The following SORCS2 variants were observed in gnomAD, a reference collection of about 807,000 sequenced individuals.
SORCS2 encodes the protein sortilin related VPS10 domain containing receptor 2.
In SORCS2, 100 loss-of-function variants were observed where a neutral mutation model predicts 141.6. That is an observed-to-expected ratio of 0.71 (90% CI 0.60 to 0.83). The LOEUF (loss-of-function observed/expected upper bound fraction) is 0.83. Among genes scored for constraint, SORCS2 ranks in the 40% least tolerant of loss-of-function variants. The pLI, the probability that SORCS2 is intolerant of heterozygous loss-of-function variation, is 0.00. For synonymous variants in SORCS2, 789 were observed against 676.9 expected, an observed-to-expected ratio of 1.17 and a Z score of -2.57; for missense variants, 1,646 against 1,560.2, an observed-to-expected ratio of 1.05 and a Z score of -0.93.
intron 1 of SORCS2, among the ~76,000 whole-genome samples, chr4:7,376,958 G>A (rs1476469712): frequency 4.1e-5 from 6 of 146,336 alleles, no homozygotes; most frequent in Admixed American, 6.8e-5. Flanking sequence ...CTGCAGTCAC[G>A]TGCAGCCTGA....
intron 3 of SORCS2, among the ~76,000 whole-genome samples, chr4:7,574,878 C>T (rs951323096): frequency 6.6e-6 from 1 of 152,178 alleles, no homozygotes; most frequent in Non-Finnish European, 1.5e-5. Context: ...GTCTGTTAGC[C>T]CAGCTCCTCT....
At chr4:7,455,320 T>A (rs1458368581) in intron 2 of SORCS2, among the ~76,000 whole-genome samples, 1 of 50,830 alleles carries the variant, frequency 2.0e-5, no homozygotes, top group Non-Finnish European at 3.5e-5. Context: ...GGGGTCAGGC[T>A]CTGTGTTGGG....
intron 1 of SORCS2, chr4:7,382,020 G>A (rs1723020902): frequency 2.0e-6 from 2 of 980,724 alleles, no homozygotes; most frequent in Non-Finnish European, 2.4e-6. Context: ...CACAAGGAAG[G>A]AAGGGAGTCG....
Position 7,192,747 on chromosome 4 carries a change from G to C in SORCS2, c.101G>C (p.Arg34Pro). ...CCGCCGCCGCGCTCGCCGCGCTCGCGGCCGCTCCTGCTGCTGCTGCTGCTG... is the reference window on the plus strand; with the variant it reads ...CCGCCGCCGCGCTCGCCGCGCTCGCCGCCGCTCCTGCTGCTGCTGCTGCTG... Reference protein sequence around the residue: ...APPPPRSPRSRPLLLLLLLLG... With the variant: ...APPPPRSPRSPPLLLLLLLLG... Residue 34 changes from arginine (R) to proline (P), a missense_variant, in exon 1 of 27, where the codon CGG (arginine) becomes CCG (proline). Arg to Pro is a moderately radical substitution (Grantham distance 103). Transcript: ENST00000507866. This position sits in a 1 kb window ranked among gnomAD's most constrained non-coding sequence, Gnocchi z 4.0. 2 of 995,886 alleles carry C rather than the reference G, an allele frequency of 2.0e-6. No individual in the cohort carries two copies. The highest frequency in any genetic ancestry group is 2.4e-6 in the Non-Finnish European group (2 of 838,962). 61.7% of individuals were successfully genotyped at this position (995,886 alleles called of 1,614,324 possible).
At chr4:7,640,191 TGA>T (rs888756883) in intron 4 of SORCS2, among the ~76,000 whole-genome samples, 11 of 13,448 alleles carry the variant, frequency 8.2e-4, no homozygotes, top group African/African-American at 1.5e-3. Context: ...AGAGCCTATG[TGA>T]GTGTGAGTGT....
intron 2 of SORCS2, among the ~76,000 whole-genome samples, chr4:7,509,368 G>C (rs1732470812): frequency 6.6e-6 from 1 of 152,008 alleles, no homozygotes; most frequent in African/African-American, 2.4e-5. Flanking sequence ...TCCCATTGTG[G>C]AGTCCGGTGG....
At chr4:7,208,165 C>T (rs538462255) in intron 1 of SORCS2, among the ~76,000 whole-genome samples, 1 of 152,022 alleles carries the variant, frequency 6.6e-6, no homozygotes, top group African/African-American at 2.4e-5. Flanking sequence ...CCCTCCCTGG[C>T]CTGGCCTCCT....
intron 2 of SORCS2, among the ~76,000 whole-genome samples, chr4:7,483,322 CAAA>C (rs34942012): frequency 1.1e-4 from 8 of 75,774 alleles, no homozygotes; most frequent in Non-Finnish European, 8.0e-5. Flanking sequence ...GACTCCATCT[CAAA>C]AAAAAAAAAA....
At position 7,539,678 on chromosome 4, in the gene SORCS2, C is replaced by CCACCCCCGTTATG. The variant is rs1234528255; in HGVS notation, c.648+8049_648+8050insCACCCCCGTTATG. 7.8e-4 allele frequency among the ~76,000 whole-genome samples: 119 copies of CCACCCCCGTTATG among 152,232 alleles called. 3 individuals are homozygous for CCACCCCCGTTATG. The highest frequency in any genetic ancestry group is 1.2e-4 in the Non-Finnish European group (8 of 68,008). ...AAACTCCTTCCCAGCTGCAAGGCCC[C>CCACCCCCGTTATG]GACCCCCGTTATGGAGGCCCCGCCC... On this transcript the variant is annotated intron_variant, in intron 3 of 26. Coordinates refer to ENST00000507866, the MANE Select transcript of SORCS2 (RefSeq NM_020777.3).
At chr4:7,343,927 A>G (rs1226893708) in intron 1 of SORCS2, among the ~76,000 whole-genome samples, 1 of 152,198 alleles carries the variant, frequency 6.6e-6, no homozygotes, top group Non-Finnish European at 1.5e-5. Context: ...GGGAGGTGGC[A>G]GTGCCGGGGG....
intron 1 of SORCS2, among the ~76,000 whole-genome samples, chr4:7,237,050 G>A (rs116110627): frequency 0.012 from 1,759 of 152,280 alleles, 36 homozygotes; most frequent in African/African-American, 0.04. Context: ...CTGTGCCAGC[G>A]CACATGGTCA....
intron 2 of SORCS2, among the ~76,000 whole-genome samples, chr4:7,418,701 G>GACC (rs1725849712): frequency 8.5e-5 from 5 of 58,878 alleles, no homozygotes; most frequent in African/African-American, 3.4e-4. Flanking sequence ...CGTAACAAAT[G>GACC]ACCCCCCCCC....
At chr4:7,617,272 C>T (rs1718823551) in intron 3 of SORCS2, among the ~76,000 whole-genome samples, 1 of 152,164 alleles carries the variant, frequency 6.6e-6, no homozygotes, top group African/African-American at 2.4e-5. Context: ...CACCCACTCA[C>T]CCCATTATCC....
intron 4 of SORCS2, among the ~76,000 whole-genome samples, chr4:7,649,813 T>A (rs918970794): frequency 2.0e-5 from 3 of 152,128 alleles, no homozygotes; most frequent in African/African-American, 7.2e-5. Flanking sequence ...TGAACAGCAG[T>A]GGTGGCAGCG....
At chr4:7,661,766 GAA>G (rs1722189500) in intron 6 of SORCS2, among the ~76,000 whole-genome samples, 1 of 152,206 alleles carries the variant, frequency 6.6e-6, no homozygotes, top group Non-Finnish European at 1.5e-5. Flanking sequence ...CACTCCAGTG[GAA>G]AAGTCTATTA....
At chr4:7,447,037 C>T (rs1361787465) in intron 2 of SORCS2, among the ~76,000 whole-genome samples, 3 of 152,206 alleles carry the variant, frequency 2.0e-5, no homozygotes, top group African/African-American at 7.2e-5. Context: ...TCTCCCAGCA[C>T]AGAGAAGAAG....
Position 7,597,603 on chromosome 4 carries a change from G to A in SORCS2, c.649-40725G>A, listed in dbSNP as rs535454194. On this transcript the variant is annotated intron_variant, in intron 3 of 26. Coordinates refer to ENST00000507866, the MANE Select transcript of SORCS2 (RefSeq NM_020777.3). ...CTGTTGCAATAAGGGAGGGGCTTTTGCAACTGGGGCAGGTGGTTATTGTTA... is the reference window on the plus strand; with the variant it reads ...CTGTTGCAATAAGGGAGGGGCTTTTACAACTGGGGCAGGTGGTTATTGTTA... 1.5e-4 allele frequency among the ~76,000 whole-genome samples: 23 copies of A among 149,806 alleles called. No homozygotes were observed. In the South Asian group the frequency reaches 4.7e-3, roughly 31 times the overall value.
chr4:7,622,013 C>A (rs755115710), intron 3 of SORCS2, among the ~76,000 whole-genome samples: 1 of 152,124 alleles, frequency 6.6e-6, no homozygotes, highest in Non-Finnish European at 1.5e-5. Context: ...TCCGGGTGTG[C>A]GATTTTACTG....
At chr4:7,446,308 C>T (rs1352631316) in intron 2 of SORCS2, among the ~76,000 whole-genome samples, 2 of 152,218 alleles carry the variant, frequency 1.3e-5, no homozygotes, top group Non-Finnish European at 2.9e-5. Flanking sequence ...ACCCCAGGAG[C>T]TGTGGGTGGC....
Sources: gnomAD v4.1 joint callset for allele counts (sites outside exome capture counted in the v4.1 genomes callset) on GRCh38, gnomAD v4.1.1 for gene constraint, Gnocchi (gnomAD v3.1) non-coding constraint, MANE v1.5 for transcripts, NCBI Gene and HGNC (gene_info 2026-07-23, HGNC 2026-07-21) for gene names.